Variants in TRAPPC9 observed in about 807,000 individuals in gnomAD.
TRAPPC9 encodes the protein IKK2 binding protein.
A neutral mutation model predicts 124.0 loss-of-function variants in TRAPPC9; 83 were observed. That is an observed-to-expected ratio of 0.67 (90% confidence interval 0.56 to 0.80). TRAPPC9 has a LOEUF of 0.80. Ranked by LOEUF, TRAPPC9 falls within the 30% of genes least tolerant of loss-of-function variation. The probability of loss-of-function intolerance (pLI) is 0.00; values close to 1 mark genes in which losing one functional copy is unlikely to be tolerated. For synonymous variants in TRAPPC9, 638 were observed against 617.5 expected (o/e 1.03, Z -0.49); for missense variants, 1,302 against 1,508.3 (o/e 0.86, Z 2.27).
At chr8:140,188,242 C>T (rs1462444344) in intron 17 of TRAPPC9, among the ~76,000 whole-genome samples, 4 of 152,204 alleles carry the variant, frequency 2.6e-5, no homozygotes, top group African/African-American at 7.2e-5. Flanking sequence ...AAATTTTAAA[C>T]AATCCCTGGT....
At chr8:139,942,039 T>C (rs1236079927) in intron 19 of TRAPPC9, among the ~76,000 whole-genome samples, 1 of 152,248 alleles carries the variant, frequency 6.6e-6, no homozygotes, top group Non-Finnish European at 1.5e-5. Context: ...CTAAGTCACC[T>C]ACCTTCTCAA....
intron 18 of TRAPPC9, among the ~76,000 whole-genome samples, chr8:140,008,011 G>T (rs564701290): frequency 6.6e-6 from 1 of 152,318 alleles, no homozygotes; most frequent in African/African-American, 2.4e-5. Flanking sequence ...TATGGAGTCG[G>T]TGTCAGTCCA....
intron 14 of TRAPPC9, among the ~76,000 whole-genome samples, chr8:140,278,699 G>T (rs1208306618): frequency 6.6e-6 from 1 of 152,132 alleles, no homozygotes; most frequent in Non-Finnish European, 1.5e-5. Flanking sequence ...CCATCAGGCC[G>T]CCTGCTCCTG....
At chr8:139,751,872 A>C (rs953598993) in intron 21 of TRAPPC9, among the ~76,000 whole-genome samples, 4 of 150,298 alleles carry the variant, frequency 2.7e-5, no homozygotes, top group Admixed American at 6.6e-5. Flanking sequence ...TCCACTCACC[A>C]TCTACCCATC....
chr8:140,287,783 G>A (rs1424964932), intron 12 of TRAPPC9, 49 bp from the exon 13 acceptor site: 1 of 1,612,698 alleles, frequency 6.2e-7, no homozygotes, highest in Admixed American at 1.7e-5. Context: ...CCTACTGTGT[G>A]TGCTCAGTTC....
chr8:139,815,103 G>A (rs1200151136), intron 21 of TRAPPC9, among the ~76,000 whole-genome samples: 1 of 152,210 alleles, frequency 6.6e-6, no homozygotes, highest in Non-Finnish European at 1.5e-5. Flanking sequence ...GTAAAGTCCT[G>A]CAGTGGACAG....
intron 14 of TRAPPC9, among the ~76,000 whole-genome samples, chr8:140,278,225 TC>T (rs2065188771): frequency 6.6e-6 from 1 of 152,104 alleles, no homozygotes; most frequent in Non-Finnish European, 1.5e-5. Context: ...TGCCTCAGCC[TC>T]CCGAGTAGCT....
At chr8:140,440,704 G>A (rs2070982567) in intron 2 of TRAPPC9, among the ~76,000 whole-genome samples, 1 of 151,974 alleles carries the variant, frequency 6.6e-6, no homozygotes, top group Admixed American at 6.6e-5. Context: ...CCTTTCACAG[G>A]ATGCTCAATT....
At chr8:139,908,008 G>C (rs542460952) in intron 20 of TRAPPC9, among the ~76,000 whole-genome samples, 24 of 152,278 alleles carry the variant, frequency 1.6e-4, no homozygotes, top group African/African-American at 5.1e-4. Flanking sequence ...TGCCGACAAG[G>C]GTGACGTGGC....
chr8:140,370,787 C>A (rs1215047463), intron 8 of TRAPPC9, among the ~76,000 whole-genome samples, 177 bp downstream of exon 8: 1 of 152,248 alleles, frequency 6.6e-6, no homozygotes, highest in Non-Finnish European at 1.5e-5. Context: ...AGGCAAAGCA[C>A]CAGTACTTTT....
chr8:139,956,772 T>C (rs1466196049), intron 19 of TRAPPC9, among the ~76,000 whole-genome samples: 1 of 152,214 alleles, frequency 6.6e-6, no homozygotes, highest in African/African-American at 2.4e-5. Context: ...GCAGGTCCTA[T>C]GCCTCCTACT....
chr8:139,948,248 A>AACACACACACAAACAC (rs1834393016), intron 19 of TRAPPC9, among the ~76,000 whole-genome samples: 1 of 144,620 alleles, frequency 6.9e-6, no homozygotes, highest in African/African-American at 2.6e-5. Context: ...TGGTTCATAA[A>AACACACACACAAACAC]ACACACACAC....
intron 4 of TRAPPC9, among the ~76,000 whole-genome samples, chr8:140,430,767 T>C (rs1389885359): frequency 6.6e-6 from 1 of 152,060 alleles, no homozygotes; most frequent in African/African-American, 2.4e-5. Context: ...GCCTCTTGAG[T>C]AGCTGGGACT....
intron 17 of TRAPPC9, among the ~76,000 whole-genome samples, chr8:140,122,214 C>T (rs1295960070): frequency 6.6e-6 from 1 of 152,134 alleles, no homozygotes; most frequent in Non-Finnish European, 1.5e-5. Flanking sequence ...CCTATGACTA[C>T]AAATAACTGA....
chr8:139,922,153 C>T (rs1350866748), intron 19 of TRAPPC9, among the ~76,000 whole-genome samples: 1 of 151,536 alleles, frequency 6.6e-6, no homozygotes, highest in Non-Finnish European at 1.5e-5. Flanking sequence ...TTTTCATTTC[C>T]TTCCAAGGTT....
Position 140,221,461 on chromosome 8 carries a change from T to G in TRAPPC9, c.2554A>C (p.Lys852Gln). Residue 852 changes from lysine to glutamine, a missense_variant and splice_region_variant, in exon 17 of 23, where the codon AAG becomes CAG. By Grantham distance (53) the Lys-to-Gln change is moderately conservative. Coordinates refer to ENST00000438773, the MANE Select transcript of TRAPPC9 (RefSeq NM_001160372.4). ...TGCCGTCTGCCATACCAACTCACCT[T>G]CACGTGGCTGTAGTCGCCTGCTTTG... ...SNKAGDYSHV[K>Q]TLEAVLNFKY... The G allele has an allele frequency of 6.2e-7, 1 of 1,613,950 alleles. No individual in the cohort carries two copies. The highest frequency in any genetic ancestry group is 2.2e-5 in the East Asian group (1 of 44,874).
intron 8 of TRAPPC9, among the ~76,000 whole-genome samples, chr8:140,368,336 G>A (rs2068181384): frequency 6.6e-6 from 1 of 152,192 alleles, no homozygotes; most frequent in South Asian, 2.1e-4. Flanking sequence ...AACACACAAA[G>A]TGCCAAACTC....
chr8:139,752,562 G>A (rs1586763882), intron 21 of TRAPPC9, among the ~76,000 whole-genome samples: 1 of 135,712 alleles, frequency 7.4e-6, no homozygotes, highest in South Asian at 2.5e-4. Context: ...TATCCACCAT[G>A]TACCCACCAT....
intron 17 of TRAPPC9, among the ~76,000 whole-genome samples, chr8:140,219,442 C>T (rs908144119): frequency 1.3e-5 from 2 of 152,204 alleles, no homozygotes; most frequent in African/African-American, 4.8e-5. Flanking sequence ...ATCTGCTGGC[C>T]TGAAGGACCC....
Sources: gnomAD v4.1 joint callset for allele counts (sites outside exome capture counted in the v4.1 genomes callset) on GRCh38, gnomAD v4.1.1 for gene constraint, MANE v1.5 for transcripts, NCBI Gene and HGNC (gene_info 2026-07-23, HGNC 2026-07-21) for gene names.